CCDC68: variants seen among roughly 807,000 people sequenced by gnomAD.
CCDC68 encodes coiled-coil domain-containing protein 68.
Under a neutral mutation model 47.1 loss-of-function variants are expected in CCDC68, and 45 were observed. The observed-to-expected ratio is 0.96, with a 90% CI of 0.75 to 1.23. CCDC68 has a LOEUF of 1.23. Among genes scored for constraint, CCDC68 ranks in the 50% most tolerant of loss-of-function variants. The pLI is 0.00. For synonymous variants in CCDC68, 131 were observed against 129.5 expected (o/e 1.01, Z -0.08); for missense variants, 353 against 373.6 (o/e 0.94, Z 0.45).
At chr18:54,954,076 G>GA (rs1163411050) in intron 1 of CCDC68, among the ~76,000 whole-genome samples, 1 of 128,998 alleles carries the variant, frequency 7.8e-6, no homozygotes, top group Admixed American at 8.6e-5. Flanking sequence ...TTTTGTTTCA[G>GA]ACATAGTCTC....
At chr18:54,915,683 C>T (rs527244108) in intron 10 of CCDC68, among the ~76,000 whole-genome samples, 42 of 152,250 alleles carry the variant, frequency 2.8e-4, no homozygotes, top group Non-Finnish European at 4.3e-4. Flanking sequence ...AATCCCAGCA[C>T]CTTAGGAGGC....
At chr18:54,929,137 C>T (rs2044200084) in intron 7 of CCDC68, among the ~76,000 whole-genome samples, 1 of 152,180 alleles carries the variant, frequency 6.6e-6, no homozygotes, top group South Asian at 2.1e-4. Context: ...AGGGCATTGC[C>T]CATAGCCTGT....
intron 10 of CCDC68, among the ~76,000 whole-genome samples, chr18:54,911,314 G>A (rs543346048): frequency 2.0e-5 from 3 of 152,244 alleles, no homozygotes; most frequent in South Asian, 2.1e-4. Context: ...GCCTCCCAAA[G>A]TGCTAACATT....
At chr18:54,918,084 C>G (rs748612547) in intron 9 of CCDC68, 88 bp from the exon 10 acceptor site, 4 of 615,274 alleles carry the variant, frequency 6.5e-6, no homozygotes, top group Non-Finnish European at 1.1e-5. Context: ...TTTCTGAGGT[C>G]AAAAGATGTT....
chr18:54,915,907 C>T (rs1226155203), intron 10 of CCDC68, among the ~76,000 whole-genome samples: 2 of 151,556 alleles, frequency 1.3e-5, no homozygotes, highest in East Asian at 1.9e-4. Context: ...CCAGCCTAGG[C>T]GACAGAGTGA....
chr18:54,951,692 A>G (rs993003685), intron 1 of CCDC68, among the ~76,000 whole-genome samples: 1 of 152,220 alleles, frequency 6.6e-6, no homozygotes, highest in African/African-American at 2.4e-5. Context: ...GTCACCAAGT[A>G]ACAGTCACAG....
intron 11 of CCDC68, among the ~76,000 whole-genome samples, 155 bp downstream of exon 11, chr18:54,907,631 A>G (rs1914088678): frequency 6.6e-6 from 1 of 152,230 alleles, no homozygotes; most frequent in Non-Finnish European, 1.5e-5. Context: ...AATGATGAAC[A>G]AGATTAACAC....
rs1913786893 is a variant in CCDC68, at chr18:54,903,287, CATT to C, written c.*1068_*1070del. ...ATCCTTTAGGGGGACCAAGGTCTCT[CATT>C]ATACATTTAATTGAAGTTTGTTCTT... On this transcript the variant is annotated 3_prime_UTR_variant, in exon 12 of 12. Transcript: ENST00000591504. 1 of 152,168 alleles carries C rather than the reference CATT, an allele frequency of 6.6e-6. No individual in the cohort carries two copies. Among genetic ancestry groups the C allele is most frequent in the Non-Finnish European group, 1.5e-5 (1 of 68,028 alleles). The allele number at this position is 152,168 out of a possible 1,614,324, so 9.4% of individuals were successfully genotyped here.
At chr18:54,950,015 T>A (rs2044587891) in intron 1 of CCDC68, among the ~76,000 whole-genome samples, 1 of 152,220 alleles carries the variant, frequency 6.6e-6, no homozygotes, top group South Asian at 2.1e-4. Flanking sequence ...TGTCCTAGCA[T>A]ATGAGATCCT....
rs2044399480 is a variant in CCDC68, at chr18:54,939,335, A to G, written c.205-1238T>C. Among the ~76,000 whole-genome samples, 3 of 152,112 alleles carry G rather than the reference A, an allele frequency of 2.0e-5. 1 individual carries two copies. Among genetic ancestry groups the G allele is most frequent in the Admixed American group, 2.0e-4 (3 of 15,272 alleles). ...AGATTATCAGCAGTGGTAGATGGCT[A>G]CAAAGATCATTGATCAGTGCTTTTC... On this transcript the variant is annotated intron_variant, in intron 4 of 11. Coordinates refer to ENST00000591504, the MANE Select transcript of CCDC68 (RefSeq NM_025214.3).
intron 1 of CCDC68, among the ~76,000 whole-genome samples, chr18:54,957,654 C>CTCTG (rs2044737875): frequency 1.3e-5 from 2 of 151,904 alleles, no homozygotes; most frequent in Non-Finnish European, 2.9e-5. Flanking sequence ...CTCTCTCTCT[C>CTCTG]TCTCATTTTC....
chr18:54,928,679 C>A (rs1310158939), intron 8 of CCDC68, 121 bp downstream of exon 8: 1 of 663,068 alleles, frequency 1.5e-6, no homozygotes. Context: ...CAACCTTCCT[C>A]CTGCACTGTC....
At chr18:54,939,292 A>G (rs980609620) in intron 4 of CCDC68, among the ~76,000 whole-genome samples, 1 of 152,212 alleles carries the variant, frequency 6.6e-6, no homozygotes, top group African/African-American at 2.4e-5. Flanking sequence ...GACAAAAAAA[A>G]AAACTCTTGA....
intron 4 of CCDC68, among the ~76,000 whole-genome samples, chr18:54,939,972 C>T (rs1249966544): frequency 3.9e-5 from 6 of 152,040 alleles, no homozygotes; most frequent in Admixed American, 2.6e-4. Context: ...CTTGGCTCTA[C>T]CCTAGAGCCC....
At chr18:54,919,937 A>C (rs536382260) in intron 8 of CCDC68, among the ~76,000 whole-genome samples, 3 of 152,278 alleles carry the variant, frequency 2.0e-5, no homozygotes, top group South Asian at 4.1e-4. Context: ...AACGGGGGGA[A>C]AAAAGGAGAA....
chr18:54,923,355 G>A (rs1204179012), intron 8 of CCDC68, among the ~76,000 whole-genome samples: 3 of 151,740 alleles, frequency 2.0e-5, no homozygotes, highest in African/African-American at 7.3e-5. Context: ...GAGAACATAG[G>A]TTGTTATTTT....
In CCDC68 at chr18:54,903,441, C is replaced by A. The variant is rs1913796230; in HGVS notation, c.*917G>T. 6.6e-6 allele frequency: 1 copy of A among 152,176 alleles called. No homozygotes were observed. The highest frequency in any genetic ancestry group is 2.1e-4 in the South Asian group (1 of 4,834). 9.4% of individuals were successfully genotyped at this position (152,176 alleles called of 1,614,324 possible). On this transcript the variant is annotated 3_prime_UTR_variant, in exon 12 of 12. Coordinates refer to ENST00000591504, the MANE Select transcript of CCDC68 (RefSeq NM_025214.3). ...ACTTTCACAAATACACTATATATAT[C>A]TTTCCAATTCATAAATTCAGATTCT... is the stretch of plus-strand genomic sequence containing the variant.
At chr18:54,930,924 G>T (rs1047036556) in intron 7 of CCDC68, among the ~76,000 whole-genome samples, 3 of 151,418 alleles carry the variant, frequency 2.0e-5, no homozygotes, top group South Asian at 2.1e-4. Context: ...CTCCATGTTG[G>T]TCAGGCTGGT....
chr18:54,906,882 C>A (rs1193661949), intron 11 of CCDC68, among the ~76,000 whole-genome samples: 1 of 152,204 alleles, frequency 6.6e-6, no homozygotes, highest in Non-Finnish European at 1.5e-5. Flanking sequence ...TCTCTAATTA[C>A]ATACATCATT....
Sources: allele counts gnomAD v4.1 joint callset (sites outside exome capture counted in the v4.1 genomes callset), GRCh38; gene constraint gnomAD v4.1.1; transcripts MANE v1.5; gene names NCBI Gene and HGNC (gene_info 2026-07-23, HGNC 2026-07-21).